The following EVI5 variants were observed in gnomAD, a reference collection of about 807,000 sequenced individuals.
EVI5 encodes the protein ecotropic viral integration site 5 protein homolog.
Under a neutral mutation model 112.0 loss-of-function variants are expected in EVI5, and 73 were observed. The observed-to-expected ratio is 0.65, with a 90% CI of 0.54 to 0.79. The LOEUF (loss-of-function observed/expected upper bound fraction) is 0.79, where lower values mean the gene tolerates loss of function less well. EVI5 is among the 30% of genes least tolerant of loss of function. The pLI, the probability that EVI5 is intolerant of heterozygous loss-of-function variation, is 0.00. For missense variants in EVI5, 900 were observed against 968.8 expected (o/e 0.93, Z 0.94); for synonymous variants, 305 against 319.9 (o/e 0.95, Z 0.50).
chr1:92,716,721 T>C (rs529812779), intron 2 of EVI5, among the ~76,000 whole-genome samples: 77 of 150,916 alleles, frequency 5.1e-4, no homozygotes, highest in African/African-American at 1.1e-3. Flanking sequence ...CTAAAAACCC[T>C]GAAAAAAGAT....
chr1:92,613,673 C>T (rs1202403959), intron 16 of EVI5, among the ~76,000 whole-genome samples: 1 of 152,174 alleles, frequency 6.6e-6, no homozygotes, highest in Non-Finnish European at 1.5e-5. Context: ...ACTACAGCCT[C>T]AAACTCCTGG....
intron 2 of EVI5, among the ~76,000 whole-genome samples, chr1:92,730,379 A>G (rs923680585): frequency 1.3e-5 from 2 of 151,838 alleles, no homozygotes. Context: ...AAAGAAGGAA[A>G]TGGAGAAAGA....
chr1:92,706,554 T>C (rs1187818218), intron 2 of EVI5, among the ~76,000 whole-genome samples: 1 of 152,218 alleles, frequency 6.6e-6, no homozygotes, highest in Non-Finnish European at 1.5e-5. Context: ...AAGTTCGAGG[T>C]GTAATCCAAG....
intron 19 of EVI5, among the ~76,000 whole-genome samples, chr1:92,527,453 A>G (rs1182771607): frequency 6.6e-6 from 1 of 151,932 alleles, no homozygotes; most frequent in Non-Finnish European, 1.5e-5. Context: ...AAATAAAAGA[A>G]AAGAAAAAAA....
intron 19 of EVI5, among the ~76,000 whole-genome samples, chr1:92,548,825 C>T (rs1024648117): frequency 2.0e-5 from 3 of 152,082 alleles, no homozygotes; most frequent in Non-Finnish European, 4.4e-5. Context: ...AACTACAAAC[C>T]ACTGCTCAAC....
intron 13 of EVI5, among the ~76,000 whole-genome samples, chr1:92,658,383 T>G (rs1663386029): frequency 6.6e-6 from 1 of 152,188 alleles, no homozygotes; most frequent in Non-Finnish European, 1.5e-5. Flanking sequence ...AAGAATTCAT[T>G]AAAGTTTCAT....
chr1:92,584,846 T>C (rs964451567), intron 18 of EVI5, among the ~76,000 whole-genome samples: 4 of 152,202 alleles, frequency 2.6e-5, no homozygotes, highest in Non-Finnish European at 1.5e-5. Context: ...TTGGCTAGTA[T>C]TTTTCAGTAT....
At chr1:92,568,371 CT>C (rs10708162) in intron 18 of EVI5, among the ~76,000 whole-genome samples, 111,591 of 139,398 alleles carry the variant, frequency 0.8, 44,431 homozygotes, top group East Asian at 0.94. Context: ...AAAAACCTAT[CT>C]TAAAAAAAAA....
At chr1:92,741,482 G>A (rs1678396268) in intron 1 of EVI5, among the ~76,000 whole-genome samples, 1 of 152,106 alleles carries the variant, frequency 6.6e-6, no homozygotes, top group African/African-American at 2.4e-5. Context: ...AAAGCCTGCA[G>A]ATTCCAAAAG....
chr1:92,675,094 G>A (rs1666499001), intron 10 of EVI5, among the ~76,000 whole-genome samples: 1 of 152,196 alleles, frequency 6.6e-6, no homozygotes, highest in Admixed American at 6.5e-5. Context: ...TGTAATCCCA[G>A]CGCTTTGGAA....
In EVI5 at chr1:92,702,187, C is replaced by A; in HGVS notation, c.593G>T (p.Gly198Val). 6.6e-7 allele frequency: 1 copy of A among 1,513,912 alleles called. No homozygotes were observed. Among genetic ancestry groups the A allele is most frequent in the Non-Finnish European group, 8.8e-7 (1 of 1,136,616 alleles). The allele number at this position is 1,513,912 out of a possible 1,614,324, so 93.8% of individuals were successfully genotyped here. The change falls in exon 5 of 20, where the codon GGT (glycine) becomes GTT (valine). Residue 198 changes from glycine (G) to valine (V), a missense_variant. By Grantham distance (109) the Gly-to-Val change is moderately radical (BLOSUM62 -3). Transcript: ENST00000684568. ...KAYSLVDREV[G>V]YCQGSAFIVG... is the part of the protein sequence containing the mutation. The stretch of plus-strand genomic sequence containing the variant: ...TATAAAAGCACTTCCTTGACAGTAA[C>A]CAACCTCACGATCTACTAAAGAGTA...
intron 18 of EVI5, chr1:92,580,512 T>G (rs1205957377): frequency 2.5e-5 from 4 of 161,176 alleles, no homozygotes; most frequent in African/African-American, 9.6e-5. Flanking sequence ...TATTACTAAG[T>G]TGCTTATTGT....
At chr1:92,787,679 G>A (rs989761958), upstream of EVI5, among the ~76,000 whole-genome samples, 30 of 151,666 alleles carry the variant, frequency 2.0e-4, no homozygotes, top group Admixed American at 1.7e-3. Flanking sequence ...GGGTGAGGCC[G>A]AAGTGAGCCA....
chr1:92,525,909 G>A (rs1265983532), intron 19 of EVI5, among the ~76,000 whole-genome samples: 1 of 152,140 alleles, frequency 6.6e-6, no homozygotes, highest in Non-Finnish European at 1.5e-5. Context: ...ATAGGTCTCA[G>A]AAGATTATCT....
chr1:92,527,822 G>A (rs539368627), intron 19 of EVI5, among the ~76,000 whole-genome samples: 3 of 152,230 alleles, frequency 2.0e-5, no homozygotes, highest in East Asian at 1.9e-4. Context: ...ATGCTTTTCC[G>A]GTGTGGCATA....
chr1:92,607,272 C>A (rs1476224012), intron 17 of EVI5, among the ~76,000 whole-genome samples: 1 of 152,008 alleles, frequency 6.6e-6, no homozygotes, highest in Non-Finnish European at 1.5e-5. Flanking sequence ...TTGATCAAGC[C>A]ATTAAAAGCT....
intron 19 of EVI5, among the ~76,000 whole-genome samples, chr1:92,517,963 A>T (rs530512272): frequency 6.7e-6 from 1 of 150,154 alleles, no homozygotes; most frequent in East Asian, 2.0e-4. Flanking sequence ...AGTGGTGCAA[A>T]CTCAGTTCAT....
At chr1:92,522,650 A>AAAAAT (rs1411153775) in intron 19 of EVI5, among the ~76,000 whole-genome samples, 1 of 151,628 alleles carries the variant, frequency 6.6e-6, no homozygotes, top group South Asian at 2.1e-4. Flanking sequence ...AAAAAAAAAA[A>AAAAAT]AGAATTTACA....
At chr1:92,695,148 T>G (rs1352104782) in intron 7 of EVI5, among the ~76,000 whole-genome samples, 162 bp downstream of exon 7, 1 of 152,188 alleles carries the variant, frequency 6.6e-6, no homozygotes, top group Non-Finnish European at 1.5e-5. Context: ...AAAAACAGTA[T>G]CTACCTGATA....
Sources: allele counts gnomAD v4.1 joint callset (sites outside exome capture counted in the v4.1 genomes callset), GRCh38; gene constraint gnomAD v4.1.1; transcripts MANE v1.5; gene names NCBI Gene and HGNC (gene_info 2026-07-23, HGNC 2026-07-21).